SAXO5: variants seen among roughly 807,000 people sequenced by gnomAD.
The protein encoded by SAXO5 is stabilizer of axonemal microtubules 5, also known as testis expressed 45.
chr19:7,507,326 T>C, the SAXO5 span, among the ~76,000 whole-genome samples: 263 of 152,254 alleles, frequency 1.7e-3, 4 homozygotes, highest in Middle Eastern at 0.027. Flanking sequence ...TTCACGCTTG[T>C]AATCCCAGCG....
chr19:7,506,168 G>T, the SAXO5 span: 1 of 1,598,952 alleles, frequency 6.3e-7, no homozygotes, highest in Non-Finnish European at 8.5e-7. Flanking sequence ...CACGGGCGGT[G>T]AGCGCTCCCG....
chr19:7,503,822 G>T, the SAXO5 span, among the ~76,000 whole-genome samples: 4 of 151,988 alleles, frequency 2.6e-5, no homozygotes, highest in East Asian at 1.9e-4. Context: ...AGAGATGAGG[G>T]TCTTACTATG....
chr19:7,504,412 G>A, the SAXO5 span: 81 of 1,612,864 alleles, frequency 5.0e-5, no homozygotes, highest in Non-Finnish European at 6.7e-5. Context: ...CTGAAGATAG[G>A]TATAAAGGGG....
the SAXO5 span, among the ~76,000 whole-genome samples, chr19:7,503,056 G>T: frequency 6.6e-6 from 1 of 152,140 alleles, no homozygotes; most frequent in East Asian, 1.9e-4. Flanking sequence ...CAAGAGAAAT[G>T]ATACCAGGTC....
At chr19:7,498,212 G>A in the SAXO5 span, among the ~76,000 whole-genome samples, 1 of 145,720 alleles carries the variant, frequency 6.9e-6, no homozygotes, top group African/African-American at 2.6e-5. Flanking sequence ...CTTCATCCAT[G>A]TTTTCTTTCT....
chr19:7,506,255 T>C, the SAXO5 span: 11 of 931,046 alleles, frequency 1.2e-5, no homozygotes, highest in African/African-American at 1.3e-4. Context: ...CCCCTCCCCA[T>C]GGAGCCCCGC....
At chr19:7,506,938 G>T in the SAXO5 span, 1 of 757,142 alleles carries the variant, frequency 1.3e-6, no homozygotes, top group Admixed American at 2.2e-5. Context: ...TTTCTCCCCT[G>T]GTCAACTTCA....
the SAXO5 span, chr19:7,506,098 G>C: frequency 6.2e-7 from 1 of 1,613,626 alleles, no homozygotes; most frequent in Non-Finnish European, 8.5e-7. Flanking sequence ...GCCCTTCAGA[G>C]TGGAGACAGG....
At chr19:7,505,507 C>T in the SAXO5 span, 1 of 1,614,132 alleles carries the variant, frequency 6.2e-7, no homozygotes, top group Non-Finnish European at 8.5e-7. Context: ...ACCTGTTCCG[C>T]TTCTGGCAGA....
chr19:7,506,885 C>T, the SAXO5 span: 1 of 578,782 alleles, frequency 1.7e-6, no homozygotes, highest in Non-Finnish European at 3.1e-6. Flanking sequence ...TCTGGCTTCT[C>T]CCTCCTTCTT....
the SAXO5 span, chr19:7,506,191 C>CCATGGAGCCCCGCCT: frequency 6.5e-7 from 1 of 1,544,326 alleles, no homozygotes; most frequent in African/African-American, 1.4e-5. Flanking sequence ...AAGCCCCGCC[C>CCATGGAGCCCCGCCT]CATGGAGCCC....
chr19:7,498,385 A>ATT, the SAXO5 span, among the ~76,000 whole-genome samples: 2 of 110,120 alleles, frequency 1.8e-5, no homozygotes, highest in African/African-American at 6.7e-5. Flanking sequence ...TAATTTTTGT[A>ATT]TTTTTTTCTT....
chr19:7,507,139 C>T, the SAXO5 span: 218 of 1,613,520 alleles, frequency 1.4e-4, 4 homozygotes, highest in South Asian at 1.4e-3. Context: ...GATGCTACAG[C>T]GGGTAAGGGA....
the SAXO5 span, among the ~76,000 whole-genome samples, chr19:7,500,277 G>A: frequency 6.6e-6 from 1 of 151,886 alleles, no homozygotes; most frequent in Non-Finnish European, 1.5e-5. Flanking sequence ...CTGTGTGCCA[G>A]GCCTACAGTA....
At chr19:7,508,096 C>G in the SAXO5 span, 2 of 836,726 alleles carry the variant, frequency 2.4e-6, no homozygotes, top group African/African-American at 1.7e-5. Context: ...GCTAGCCTGC[C>G]CTGCCTGGCC....
At chr19:7,502,930 GC>G in the SAXO5 span, among the ~76,000 whole-genome samples, 1 of 152,114 alleles carries the variant, frequency 6.6e-6, no homozygotes, top group Non-Finnish European at 1.5e-5. Flanking sequence ...CTGGTCAGAG[GC>G]CCCTAAGATG....
the SAXO5 span, chr19:7,506,740 C>T: frequency 5.0e-6 from 2 of 402,958 alleles, no homozygotes; most frequent in Non-Finnish European, 9.2e-6. Flanking sequence ...CAGCTCCTCC[C>T]TCTTTCCCAG....
chr19:7,506,993 C>A, the SAXO5 span: 1 of 1,397,096 alleles, frequency 7.2e-7, no homozygotes, highest in Non-Finnish European at 1.0e-6. Context: ...TTGAACTTCA[C>A]CACACCCTCA....
the SAXO5 span, chr19:7,506,363 C>T: frequency 3.1e-6 from 2 of 635,802 alleles, no homozygotes; most frequent in Non-Finnish European, 5.6e-6. Context: ...CCCCCGGCTT[C>T]ATCCCCTGAA....
Sources: allele counts gnomAD v4.1 joint callset (sites outside exome capture counted in the v4.1 genomes callset), GRCh38; gene constraint gnomAD v4.1.1; transcripts MANE v1.5; gene names NCBI Gene and HGNC (gene_info 2026-07-23, HGNC 2026-07-21).